TPR: variants seen among roughly 807,000 people sequenced by gnomAD.
The protein encoded by TPR is translocated promoter region, nuclear basket protein.
In TPR, 51 loss-of-function variants were observed where a neutral mutation model predicts 316.1. That is an observed-to-expected ratio of 0.16 (90% CI 0.13 to 0.20). The LOEUF is 0.20. Ranked by LOEUF, TPR falls within the 10% of genes least tolerant of loss-of-function variation. The pLI is 1.00. For missense variants in TPR, 2,272 were observed against 2,754.8 expected (o/e 0.82, Z 3.92); for synonymous variants, 981 against 914.7 (o/e 1.07, Z -1.31).
chr1:186,315,335 G>A (rs1301317608), intron 49 of TPR, among the ~76,000 whole-genome samples: 4 of 151,066 alleles, frequency 2.6e-5, no homozygotes, highest in East Asian at 3.9e-4. Flanking sequence ...CAAACATACT[G>A]CCAGGTGCTG....
chr1:186,356,504 A>AG (rs1406287475), intron 14 of TPR, 55 bp from the exon 15 acceptor site: 1 of 1,493,046 alleles, frequency 6.7e-7, no homozygotes, highest in Non-Finnish European at 9.1e-7. Flanking sequence ...AACTGATTGT[A>AG]ATTTCTACTG....
chr1:186,320,220 A>T, intron 46 of TPR, 92 bp downstream of exon 46: 2 of 1,056,892 alleles, frequency 1.9e-6, no homozygotes, highest in Non-Finnish European at 2.6e-6. Flanking sequence ...AAAAATATTC[A>T]TATTTGCTCT....
rs143737562 is a variant in TPR, at chr1:186,339,700, T to A, written c.4093A>T (p.Thr1365Ser). ...TCTGTCAATTGTTGAATACGCTTAG[T>A]ATGAACTTCCTTTTCAGAAAGGAGC... is the stretch of plus-strand genomic sequence containing the variant. ...RKLLSEKEVH[T>S]KRIQQLTEEI... is the part of the protein sequence containing the mutation. Residue 1365 changes from threonine (T) to serine (S), a missense_variant, in exon 30 of 51, where the codon ACT becomes TCT. Thr to Ser is a moderately conservative substitution (Grantham distance 58). Coordinates refer to ENST00000367478, the MANE Select transcript of TPR (RefSeq NM_003292.3). 1,057 of 1,604,200 alleles carry A rather than the reference T, an allele frequency of 6.6e-4. 4 individuals carry two copies. The African/African-American group carries it at 0.012, about 18-fold the overall frequency.
At chr1:186,323,602 A>C in intron 43 of TPR, 84 bp downstream of exon 43, 1 of 1,262,286 alleles carries the variant, frequency 7.9e-7, no homozygotes, top group Non-Finnish European at 1.0e-6. Context: ...AAACCAAGAG[A>C]GAGAGAGAAA....
At chr1:186,361,021 G>C in intron 9 of TPR, 116 bp from the exon 10 acceptor site, 1 of 1,087,162 alleles carries the variant, frequency 9.2e-7, no homozygotes. Flanking sequence ...TTCTAGAGAG[G>C]CTTCAGCTGA....
Position 186,311,669 on chromosome 1 carries a change from C to A in TPR, c.*2302G>T. On this transcript the variant is annotated 3_prime_UTR_variant, in exon 51 of 51. Transcript: ENST00000367478. ...ACTCAGCATTTTCATTTATTATTGA[C>A]TTTACTGTCAAAAGATATCTTTAAT... The A allele has an allele frequency of 3.5e-6, 5 of 1,443,390 alleles. No individual in the cohort carries two copies. The highest frequency in any genetic ancestry group is 1.7e-4 in the Middle Eastern group (1 of 5,760). 89.4% of individuals were successfully genotyped at this position (1,443,390 alleles called of 1,614,324 possible).
Position 186,344,039 on chromosome 1 carries a change from T to G in TPR, c.3469A>C (p.Arg1157=). The G allele has an allele frequency of 6.2e-7, 1 of 1,614,170 alleles. No homozygotes were observed. ...TTTTCGATCTGATCATGAAGTAATCTGTTTTGTTTCTCCAGATCTTCACAG... is the reference window on the plus strand; with the variant it reads ...TTTTCGATCTGATCATGAAGTAATCGGTTTTGTTTCTCCAGATCTTCACAG... ...CRCEDLEKQN[R]LLHDQIEKLS... Residue 1157 remains arginine, a synonymous_variant, in exon 26 of 51, where the codon AGA becomes CGA. Coordinates refer to ENST00000367478, the MANE Select transcript of TPR (RefSeq NM_003292.3).
rs1557972978 is a variant in TPR at position 186,312,903 on chromosome 1, TTAAC to T, written c.*1064_*1067del. Reference sequence around the variant, plus strand: ...CTATGCCTTTTCTAAAGGTAAGGTATTAACTAACAGTTTCCCAAGGAGGTGATAT... The same window carrying T: ...CTATGCCTTTTCTAAAGGTAAGGTATTAACAGTTTCCCAAGGAGGTGATAT... On this transcript the variant is annotated 3_prime_UTR_variant, in exon 51 of 51. Transcript: ENST00000367478. 6.2e-7 allele frequency: 1 copy of T among 1,609,606 alleles called. No individual in the cohort carries two copies. The highest frequency in any genetic ancestry group is 8.5e-7 in the Non-Finnish European group (1 of 1,175,912).
At chr1:186,369,773 T>C (rs1659465298) in intron 3 of TPR, among the ~76,000 whole-genome samples, 1 of 152,186 alleles carries the variant, frequency 6.6e-6, no homozygotes, top group African/African-American at 2.4e-5. Context: ...CGTCCAGTAC[T>C]ATACTGAATA....
intron 46 of TPR, among the ~76,000 whole-genome samples, chr1:186,319,581 A>G (rs1019023651): frequency 2.0e-5 from 3 of 152,208 alleles, no homozygotes; most frequent in African/African-American, 7.2e-5. Flanking sequence ...ACAATTTCAT[A>G]TAAGAAGAGG....
intron 29 of TPR, 146 bp downstream of exon 29, chr1:186,340,882 A>G: frequency 1.0e-6 from 1 of 994,434 alleles, no homozygotes; most frequent in Non-Finnish European, 1.4e-6. Flanking sequence ...TCTGTCACGT[A>G]TTTACATGTA....
intron 4 of TPR, among the ~76,000 whole-genome samples, chr1:186,366,651 A>C (rs1659353438): frequency 6.6e-6 from 1 of 152,360 alleles, no homozygotes; most frequent in Non-Finnish European, 1.5e-5. Flanking sequence ...CAAAAAATTG[A>C]AATTTGTGTA....
At chr1:186,353,143 C>A (rs185898850) in intron 18 of TPR, among the ~76,000 whole-genome samples, 6 of 152,226 alleles carry the variant, frequency 3.9e-5, no homozygotes, top group African/African-American at 1.4e-4. Flanking sequence ...GAGGCTAAGG[C>A]GGGCAAATCA....
In TPR at chr1:186,325,867, C is replaced by T. The variant is rs779029261; in HGVS notation, c.6022-13G>A. The T allele has an allele frequency of 5.2e-5, 84 of 1,610,560 alleles. No individual in the cohort carries two copies. In the East Asian group the frequency reaches 1.3e-3, roughly 24 times the overall value. On this transcript the variant is annotated splice_polypyrimidine_tract_variant and intron_variant, in intron 41 of 50. Transcript: ENST00000367478. ...TCCCATCACCACCCTAAAAACAAAA[C>T]GTGGTAACATAATGCTCAAATAAAA... is the stretch of plus-strand genomic sequence containing the variant.
Position 186,339,724 on chromosome 1 carries a change from G to A in TPR, c.4069C>T (p.Leu1357Phe). The A allele has an allele frequency of 1.2e-6, 2 of 1,604,254 alleles. No individual in the cohort carries two copies. Among genetic ancestry groups the A allele is most frequent in the Non-Finnish European group, 1.7e-6 (2 of 1,175,376 alleles). ...GTATGAACTTCCTTTTCAGAAAGGA[G>A]CTTCCGATATTCTTCTGTATCTGGA... ...KDPDTEEYRK[L>F]LSEKEVHTKR... Residue 1357 changes from leucine (L) to phenylalanine (F), a missense_variant, in exon 30 of 51, where the codon CTC becomes TTC. By Grantham distance (22) the Leu-to-Phe change is conservative. Transcript: ENST00000367478.
Position 186,333,320 on chromosome 1 carries a change from G to A in TPR, c.5257C>T (p.Pro1753Ser). 1 of 1,613,700 alleles carries A rather than the reference G, an allele frequency of 6.2e-7. No individual in the cohort carries two copies. Among genetic ancestry groups the A allele is most frequent in the Non-Finnish European group, 8.5e-7 (1 of 1,179,728 alleles). Residue 1753 changes from proline to serine, a missense_variant, in exon 37 of 51, where the codon CCT becomes TCT. Physicochemically the swap from Pro to Ser is moderately conservative, Grantham distance 74. Coordinates refer to ENST00000367478, the MANE Select transcript of TPR (RefSeq NM_003292.3). Reference sequence around the variant, plus strand: ...TGAGAGATAGAAGGCTGGACATTAGGACTAGTAGAACGAACGGATCCACTT... The same window carrying A: ...TGAGAGATAGAAGGCTGGACATTAGAACTAGTAGAACGAACGGATCCACTT... ...STSGSVRSTS[P>S]NVQPSISQPI...
rs1316143261 is a variant in TPR at position 186,361,605 on chromosome 1, TA to T, written c.958+16del. 1 of 1,607,468 alleles carries T rather than the reference TA, an allele frequency of 6.2e-7. No individual in the cohort carries two copies. The highest frequency in any genetic ancestry group is 1.3e-5 in the African/African-American group (1 of 74,694). The stretch of plus-strand genomic sequence containing the variant: ...TACAATAACAAAAATAATGTTCCCA[TA>T]ACTGAAAACACTTACCTTCACCAGC... On this transcript the variant is annotated intron_variant, in intron 9 of 50. Coordinates refer to ENST00000367478, the MANE Select transcript of TPR (RefSeq NM_003292.3).
In TPR at chr1:186,313,480, T is replaced by G; in HGVS notation, c.*491A>C. ...CTGATTTTACAAAAAGATGGTGAAA[T>G]GTCAATCTTTTGAAACATCAAAAAA... On this transcript the variant is annotated 3_prime_UTR_variant, in exon 51 of 51. Coordinates refer to ENST00000367478, the MANE Select transcript of TPR (RefSeq NM_003292.3). 2 of 525,950 alleles carry G rather than the reference T, an allele frequency of 3.8e-6. No individual in the cohort carries two copies. The highest frequency in any genetic ancestry group is 6.7e-6 in the Non-Finnish European group (2 of 297,248). 32.6% of individuals were successfully genotyped at this position (525,950 alleles called of 1,614,324 possible).
chr1:186,361,326 A>G (rs1659180969), intron 9 of TPR, among the ~76,000 whole-genome samples: 1 of 151,994 alleles, frequency 6.6e-6, no homozygotes, highest in Admixed American at 6.6e-5. Flanking sequence ...TTCAAACATT[A>G]TCAGAGTAAA....
Sources: allele counts gnomAD v4.1 joint callset (sites outside exome capture counted in the v4.1 genomes callset), GRCh38; gene constraint gnomAD v4.1.1; transcripts MANE v1.5; gene names NCBI Gene and HGNC (gene_info 2026-07-23, HGNC 2026-07-21).